LYG1: variants seen among roughly 807,000 people sequenced by gnomAD.
LYG1 encodes lysozyme g1.
A neutral mutation model predicts 21.7 loss-of-function variants in LYG1; 17 were observed. The observed-to-expected ratio is 0.78, with a 90% CI of 0.54 to 1.18. The LOEUF is 1.18. Ranked by LOEUF, LYG1 falls within the 50% of genes most tolerant of loss-of-function variation. The pLI is 0.00. For synonymous variants in LYG1, 81 were observed against 87.4 expected (o/e 0.93, Z 0.41); for missense variants, 211 against 238.1 (o/e 0.89, Z 0.75).
At chr2:99,304,397 C>G (rs1354143649), upstream of LYG1, among the ~76,000 whole-genome samples, 1 of 152,196 alleles carries the variant, frequency 6.6e-6, no homozygotes, top group African/African-American at 2.4e-5. Context: ...CCTCCCCAGA[C>G]AAGTGGAACT....
chr2:99,284,590 AG>A, intron 6 of LYG1, 79 bp from the exon 7 acceptor site: 1 of 1,592,564 alleles, frequency 6.3e-7, no homozygotes, highest in Non-Finnish European at 8.6e-7. Context: ...ACTACCTAAC[AG>A]GAGGCAGCTG....
chr2:99,297,773 G>A (rs2094141184), intron 2 of LYG1, among the ~76,000 whole-genome samples: 1 of 152,166 alleles, frequency 6.6e-6, no homozygotes, highest in Non-Finnish European at 1.5e-5. Flanking sequence ...GGAGTGCAAT[G>A]GCACGATCAC....
At chr2:99,302,472 G>A (rs2094157476), upstream of LYG1, among the ~76,000 whole-genome samples, 1 of 152,158 alleles carries the variant, frequency 6.6e-6, no homozygotes. Context: ...CCAATGCTGG[G>A]CCCCAGGTTA....
chr2:99,300,008 G>T (rs952508959), intron 1 of LYG1, among the ~76,000 whole-genome samples: 1 of 151,090 alleles, frequency 6.6e-6, no homozygotes, highest in African/African-American at 2.4e-5. Context: ...GCACCAACAG[G>T]CCTAAAATTA....
intron 3 of LYG1, among the ~76,000 whole-genome samples, chr2:99,293,906 C>G (rs1342623905): frequency 1.3e-5 from 2 of 151,958 alleles, no homozygotes; most frequent in Non-Finnish European, 2.9e-5. Context: ...CATTAGATTA[C>G]TCTTTAATTA....
chr2:99,292,764 A>C, intron 3 of LYG1, 124 bp from the exon 4 acceptor site: 1 of 647,684 alleles, frequency 1.5e-6, no homozygotes, highest in East Asian at 2.7e-5. Flanking sequence ...TTCACTCTGC[A>C]ATTGAAACTC....
chr2:99,295,815 C>A, intron 2 of LYG1, 113 bp from the exon 3 acceptor site: 7 of 1,001,844 alleles, frequency 7.0e-6, no homozygotes, highest in South Asian at 5.8e-5. Context: ...CATATCTGAC[C>A]TAAGAAAATG....
upstream of LYG1, among the ~76,000 whole-genome samples, chr2:99,302,753 T>C (rs1574894053): frequency 6.6e-6 from 1 of 152,134 alleles, no homozygotes; most frequent in Non-Finnish European, 1.5e-5. Flanking sequence ...GCACAGAGCC[T>C]CACGTCTGTA....
intron 5 of LYG1, among the ~76,000 whole-genome samples, chr2:99,290,085 T>C (rs1029375699): frequency 3.9e-5 from 6 of 152,186 alleles, no homozygotes; most frequent in African/African-American, 1.4e-4. Context: ...CTCGCACTCC[T>C]GACCTCATGT....
intron 3 of LYG1, among the ~76,000 whole-genome samples, chr2:99,293,827 T>A (rs2094128149): frequency 6.6e-6 from 1 of 152,166 alleles, no homozygotes; most frequent in South Asian, 2.1e-4. Context: ...AGTACTAAGA[T>A]ACCTACAGTA....
chr2:99,290,160 A>G (rs927698979), intron 5 of LYG1, among the ~76,000 whole-genome samples: 1 of 152,148 alleles, frequency 6.6e-6, no homozygotes, highest in Non-Finnish European at 1.5e-5. Flanking sequence ...GCCTGACCCA[A>G]ATCTAGGGAA....
In LYG1 at chr2:99,293,243, C is replaced by T. The variant is rs553302625; in HGVS notation, c.44-603G>A. The stretch of plus-strand genomic sequence containing the variant: ...TTGACCTCAAGTGATCCGCCCGCCT[C>T]GGCCTCCCAAAGTGCTGGGATCACA... On this transcript the variant is annotated intron_variant, in intron 3 of 6. Transcript: ENST00000308528. 8.5e-5 allele frequency among the ~76,000 whole-genome samples: 13 copies of T among 152,268 alleles called. No homozygotes were observed. The South Asian group carries it at 2.1e-3, about 24-fold the overall frequency.
upstream of LYG1, among the ~76,000 whole-genome samples, chr2:99,304,478 G>A (rs1305908827): frequency 1.3e-5 from 2 of 152,178 alleles, no homozygotes; most frequent in African/African-American, 4.8e-5. Context: ...CAGCATGAAA[G>A]TGGCTAAGAG....
At chr2:99,287,558 T>C (rs969667367) in intron 5 of LYG1, among the ~76,000 whole-genome samples, 6 of 152,150 alleles carry the variant, frequency 3.9e-5, no homozygotes, top group Non-Finnish European at 7.4e-5. Flanking sequence ...TTTTTTAATA[T>C]TAGGTTTGTG....
At chr2:99,287,419 A>G (rs1306391968) in intron 5 of LYG1, among the ~76,000 whole-genome samples, 1 of 152,160 alleles carries the variant, frequency 6.6e-6, no homozygotes, top group African/African-American at 2.4e-5. Context: ...AAAAATAACT[A>G]AAGGGTACAG....
intron 4 of LYG1, among the ~76,000 whole-genome samples, chr2:99,292,284 C>CA (rs1222391406): frequency 2.0e-5 from 3 of 151,610 alleles, no homozygotes; most frequent in Non-Finnish European, 4.4e-5. Context: ...AAACTTATCT[C>CA]AAAAAAAATA....
At position 99,284,437 on chromosome 2, in the gene LYG1, C is replaced by G; in HGVS notation, c.541G>C (p.Asp181His). 1 of 1,614,200 alleles carries G rather than the reference C, an allele frequency of 6.2e-7. No homozygotes were observed. Among genetic ancestry groups the G allele is most frequent in the Non-Finnish European group, 8.5e-7 (1 of 1,180,024 alleles). The change falls in exon 7 of 7, where the codon GAT (aspartate) becomes CAT (histidine). Residue 181 changes from aspartate to histidine, a missense_variant. Transcript: ENST00000308528. ...SQDLSCDFCN[D>H]VLARAKYLKR... ...AGGTACTTGGCTCGTGCAAGGACAT[C>G]ATTGCAGAAGTCACAGCTCAGGTCC...
chr2:99,303,729 C>G (rs935472818), upstream of LYG1, among the ~76,000 whole-genome samples: 3 of 152,144 alleles, frequency 2.0e-5, no homozygotes, highest in African/African-American at 7.2e-5. Context: ...GGCTGTGTCT[C>G]CACTGAAATC....
chr2:99,285,428 GAA>G (rs2094096275), intron 5 of LYG1, among the ~76,000 whole-genome samples: 2 of 151,662 alleles, frequency 1.3e-5, no homozygotes, highest in South Asian at 4.2e-4. Flanking sequence ...GAACAGAAGG[GAA>G]AATTCCCAAA....
Sources: gnomAD v4.1 joint callset for allele counts (sites outside exome capture counted in the v4.1 genomes callset) on GRCh38, gnomAD v4.1.1 for gene constraint, MANE v1.5 for transcripts, NCBI Gene and HGNC (gene_info 2026-07-23, HGNC 2026-07-21) for gene names.